Variants in TMEM217B observed in about 807,000 individuals in gnomAD.
TMEM217B encodes the protein putative transmembrane protein 217B.
At chr6:37,215,966 T>C in the TMEM217B span, among the ~76,000 whole-genome samples, 1 of 152,072 alleles carries the variant, frequency 6.6e-6, no homozygotes, top group Non-Finnish European at 1.5e-5. Flanking sequence ...TGGATGTTTC[T>C]CTGAAAGGCA....
chr6:37,238,956 C>T, the TMEM217B span, among the ~76,000 whole-genome samples: 2 of 151,744 alleles, frequency 1.3e-5, no homozygotes, highest in African/African-American at 4.8e-5. Context: ...AGGGTGAAAC[C>T]CTGTCTCTAC....
At chr6:37,250,765 A>G in the TMEM217B span, among the ~76,000 whole-genome samples, 2 of 152,258 alleles carry the variant, frequency 1.3e-5, no homozygotes, top group Non-Finnish European at 2.9e-5. Flanking sequence ...TTGCTAAACA[A>G]TGCCCATATT....
At chr6:37,252,443 C>A in the TMEM217B span, among the ~76,000 whole-genome samples, 1 of 151,356 alleles carries the variant, frequency 6.6e-6, no homozygotes, top group Non-Finnish European at 1.5e-5. Context: ...TTTGTCAACC[C>A]CTGGTTGACA....
chr6:37,212,714 G>A, the TMEM217B span: 1 of 649,740 alleles, frequency 1.5e-6, no homozygotes, highest in South Asian at 1.5e-5. Context: ...TAGATCAGCA[G>A]CCCCATGTAG....
chr6:37,253,461 C>T, the TMEM217B span, among the ~76,000 whole-genome samples: 1 of 152,176 alleles, frequency 6.6e-6, no homozygotes, highest in Non-Finnish European at 1.5e-5. Context: ...TAACCTCTTA[C>T]TTTTTCAGTC....
the TMEM217B span, among the ~76,000 whole-genome samples, chr6:37,241,099 C>CTTTT: frequency 7.5e-6 from 1 of 132,928 alleles, no homozygotes; most frequent in African/African-American, 2.8e-5. Context: ...AAGTATTACT[C>CTTTT]TTTTTTTTTT....
At chr6:37,215,425 A>C in the TMEM217B span, 2 of 1,088,492 alleles carry the variant, frequency 1.8e-6, no homozygotes, top group Non-Finnish European at 2.5e-6. Context: ...AGATACAAAA[A>C]TTAGCTGGGC....
At chr6:37,220,616 T>C in the TMEM217B span, among the ~76,000 whole-genome samples, 2 of 152,110 alleles carry the variant, frequency 1.3e-5, no homozygotes, top group African/African-American at 2.4e-5. Flanking sequence ...ATAAATCTTG[T>C]TTAAAGTCGT....
At chr6:37,236,365 C>A in the TMEM217B span, among the ~76,000 whole-genome samples, 1 of 152,146 alleles carries the variant, frequency 6.6e-6, no homozygotes, top group Non-Finnish European at 1.5e-5. Flanking sequence ...CTCAGTTTAA[C>A]CCTTTCTGAG....
chr6:37,218,101 G>A, the TMEM217B span: 4 of 1,031,182 alleles, frequency 3.9e-6, no homozygotes, highest in Non-Finnish European at 4.7e-6. Context: ...GGGAATCTGA[G>A]AGACCTACCT....
chr6:37,246,170 C>T, the TMEM217B span, among the ~76,000 whole-genome samples: 1 of 151,726 alleles, frequency 6.6e-6, no homozygotes, highest in South Asian at 2.1e-4. Flanking sequence ...TTCTCTTCTA[C>T]TTCTCCTCTA....
chr6:37,250,869 T>G, the TMEM217B span, among the ~76,000 whole-genome samples: 1 of 152,274 alleles, frequency 6.6e-6, no homozygotes, highest in Middle Eastern at 3.2e-3. Context: ...TAGTAGTTGA[T>G]GCTATGGAGT....
chr6:37,250,302 CT>C, the TMEM217B span, among the ~76,000 whole-genome samples: 4 of 152,250 alleles, frequency 2.6e-5, no homozygotes, highest in East Asian at 7.7e-4. Context: ...CCCTAAGAGG[CT>C]TCTAAGGTAT....
chr6:37,252,129 G>A, the TMEM217B span, among the ~76,000 whole-genome samples: 1 of 152,228 alleles, frequency 6.6e-6, no homozygotes, highest in African/African-American at 2.4e-5. Flanking sequence ...CTGACCTCAG[G>A]TGATCCGCCT....
the TMEM217B span, among the ~76,000 whole-genome samples, chr6:37,230,831 T>C: frequency 6.6e-6 from 1 of 152,126 alleles, no homozygotes; most frequent in Admixed American, 6.6e-5. Flanking sequence ...GTAAATTGCC[T>C]CTCTACCACT....
At chr6:37,223,999 C>T in the TMEM217B span, among the ~76,000 whole-genome samples, 3 of 148,632 alleles carry the variant, frequency 2.0e-5, no homozygotes, top group South Asian at 2.2e-4. Flanking sequence ...TGCAGTGGCA[C>T]GATCTCAGCT....
the TMEM217B span, among the ~76,000 whole-genome samples, chr6:37,249,014 G>C: frequency 6.6e-6 from 1 of 152,136 alleles, no homozygotes; most frequent in Non-Finnish European, 1.5e-5. Flanking sequence ...TGCCTCTGTG[G>C]TCACACTGCC....
At chr6:37,252,444 C>T in the TMEM217B span, among the ~76,000 whole-genome samples, 6 of 151,598 alleles carry the variant, frequency 4.0e-5, no homozygotes, top group African/African-American at 1.5e-4. Context: ...TTGTCAACCC[C>T]TGGTTGACAT....
the TMEM217B span, chr6:37,218,883 T>G: frequency 6.2e-7 from 1 of 1,614,218 alleles, no homozygotes. Context: ...CTTGCACCCC[T>G]GTACTTTGGT....
Sources: gnomAD v4.1 joint callset for allele counts (sites outside exome capture counted in the v4.1 genomes callset) on GRCh38, gnomAD v4.1.1 for gene constraint, MANE v1.5 for transcripts, NCBI Gene and HGNC (gene_info 2026-07-23, HGNC 2026-07-21) for gene names.